SUN1: variants seen among roughly 807,000 people sequenced by gnomAD.
SUN1 encodes Sad1 and UNC84 domain containing 1.
In SUN1, 61 loss-of-function variants were observed where a neutral mutation model predicts 103.2. The observed-to-expected ratio is 0.59, with a 90% CI of 0.48 to 0.73. The LOEUF is 0.73. Among genes scored for constraint, SUN1 ranks in the 30% least tolerant of loss-of-function variants. The probability of loss-of-function intolerance (pLI) is 0.00; values close to 1 mark genes in which losing one functional copy is unlikely to be tolerated. For missense variants in SUN1, 1,052 were observed against 1,034.6 expected (o/e 1.02, Z -0.23); for synonymous variants, 490 against 425.7 (o/e 1.15, Z -1.86).
At chr7:830,847 A>C (rs1276944591), upstream of SUN1, 2 of 693,064 alleles carry the variant, frequency 2.9e-6, no homozygotes, top group African/African-American at 3.9e-5. Context: ...CGCTGAGCCC[A>C]GCTTTGGGTT....
At chr7:821,281 G>T (rs767533668) in intron 1 of SUN1, among the ~76,000 whole-genome samples, 39 of 144,616 alleles carry the variant, frequency 2.7e-4, no homozygotes, top group Non-Finnish European at 5.1e-4. Flanking sequence ...GTGATTCTCC[G>T]GCCTTAGCCT....
rs1811854571 is a variant in SUN1, at chr7:843,191, T to C, written c.452-15T>C. ...AACAGCAAAAATGTGTGTGTGTGTG[T>C]GTTTTTTTTTTTAGGTCTTGATGAT... On this transcript the variant is annotated splice_polypyrimidine_tract_variant and intron_variant, in intron 3 of 18. Coordinates refer to ENST00000401592, the MANE Select transcript of SUN1 (RefSeq NM_001130965.3). 2 of 1,443,922 alleles carry C rather than the reference T, an allele frequency of 1.4e-6. No homozygotes were observed. The highest frequency in any genetic ancestry group is 1.3e-5 in the South Asian group (1 of 78,698). The allele number at this position is 1,443,922 out of a possible 1,614,324, so 89.4% of individuals were successfully genotyped here. A position where few individuals can be genotyped will look rare whatever the true frequency, so the allele number is the denominator to read the frequency against.
chr7:839,087 A>C, intron 2 of SUN1, 101 bp downstream of exon 2: 18 of 1,268,776 alleles, frequency 1.4e-5, no homozygotes, highest in Non-Finnish European at 1.9e-5. Context: ...TCTCGAGCTT[A>C]AGGATATGTG....
chr7:855,009 A>G lies in SUN1; in HGVS notation c.1350+3A>G, dbSNP rs1825794663. The G allele has an allele frequency of 6.2e-7, 1 of 1,608,754 alleles. No individual in the cohort carries two copies. The highest frequency in any genetic ancestry group is 1.1e-5 in the South Asian group (1 of 90,636). ...GAAAACTGAGAGAAAAATCTGAGGT[A>G]TTTATTTTTGACCTTACGCTTTTTT... On this transcript the variant is annotated splice_donor_region_variant and intron_variant, in intron 11 of 18. Transcript: ENST00000401592.
intron 1 of SUN1, among the ~76,000 whole-genome samples, chr7:838,326 A>C (rs960671229): frequency 1.3e-5 from 2 of 152,226 alleles, no homozygotes; most frequent in Non-Finnish European, 1.5e-5. Flanking sequence ...AAGCCTTTAG[A>C]TAAATTCTAA....
upstream of SUN1, among the ~76,000 whole-genome samples, chr7:831,233 G>A (rs1797644349): frequency 6.6e-6 from 1 of 152,076 alleles, no homozygotes; most frequent in Non-Finnish European, 1.5e-5. Flanking sequence ...TCGGACGCTG[G>A]GCTGGGTGTC....
At position 874,511 on chromosome 7, in the gene SUN1, G is replaced by A. The variant is rs543705906; in HGVS notation, c.*1180G>A. The A allele has an allele frequency of 2.6e-4, 39 of 152,724 alleles. No individual in the cohort carries two copies. The highest frequency in any genetic ancestry group is 2.1e-3 in the Admixed American group (32 of 15,302). 9.5% of individuals were successfully genotyped at this position (152,724 alleles called of 1,614,324 possible). On this transcript the variant is annotated 3_prime_UTR_variant, in exon 19 of 19. Transcript: ENST00000401592. ...CGTAAATGTTGTGTTTTCAGAAAAAGACAAAACGATGGTGCTGACTGGTTT... is the reference window on the plus strand; with the variant it reads ...CGTAAATGTTGTGTTTTCAGAAAAAAACAAAACGATGGTGCTGACTGGTTT...
chr7:868,371 T>C, intron 16 of SUN1: 1 of 257,272 alleles, frequency 3.9e-6, no homozygotes, highest in Non-Finnish European at 7.7e-6. Context: ...GGCAGATGTG[T>C]GCGCAGCAGG....
intron 1 of SUN1, among the ~76,000 whole-genome samples, chr7:821,194 G>C (rs1785617672): frequency 3.9e-5 from 4 of 101,762 alleles, no homozygotes; most frequent in South Asian, 3.5e-4. Flanking sequence ...TTTTGAGACA[G>C]AGTCTTGCTC....
chr7:818,706 C>T (rs1190444880), intron 1 of SUN1, among the ~76,000 whole-genome samples: 1 of 152,114 alleles, frequency 6.6e-6, no homozygotes, highest in East Asian at 1.9e-4. Context: ...ACTTAGTTTC[C>T]AAAAAGGATG....
chr7:843,035 A>G, intron 3 of SUN1, 171 bp from the exon 4 acceptor site: 1 of 896,762 alleles, frequency 1.1e-6, no homozygotes, highest in South Asian at 1.5e-5. Context: ...TTCAGTCAGA[A>G]GATGGTATCT....
intron 5 of SUN1, chr7:850,209 A>AT: frequency 1.5e-6 from 1 of 647,596 alleles, no homozygotes; most frequent in Non-Finnish European, 2.6e-6. Context: ...CCTTGTAAAT[A>AT]TTTTTTGGAA....
At position 838,940 on chromosome 7, in the gene SUN1, G is replaced by A. The variant is rs374767640; in HGVS notation, c.220G>A (p.Asp74Asn). The change falls in exon 2 of 19, where the codon GAC (aspartate) becomes AAC (asparagine). Residue 74 changes from aspartate (D) to asparagine (N), a missense_variant. By Grantham distance (23) the Asp-to-Asn change is conservative. Coordinates refer to ENST00000401592, the MANE Select transcript of SUN1 (RefSeq NM_001130965.3). The stretch of plus-strand genomic sequence containing the variant: ...GGGGGATGGTGAGGCTGTGGGTGCC[G>A]ACAGCGGCACCAGCAGCGCTGTCTC... ...TLGDGEAVGA[D>N]SGTSSAVSLK... The A allele has an allele frequency of 4.0e-5, 65 of 1,609,166 alleles. 1 individual carries two copies. The highest frequency in any genetic ancestry group is 3.3e-4 in the Middle Eastern group (2 of 6,048).
intron 1 of SUN1, among the ~76,000 whole-genome samples, chr7:824,739 CTGT>C (rs775064350): frequency 1.4e-4 from 22 of 152,158 alleles, no homozygotes; most frequent in Non-Finnish European, 2.9e-4. Context: ...TTACCTTTTC[CTGT>C]TGTTTCATCA....
intron 13 of SUN1, among the ~76,000 whole-genome samples, chr7:859,171 AAAAG>A (rs1017055732): frequency 2.6e-5 from 4 of 151,934 alleles, no homozygotes; most frequent in African/African-American, 4.8e-5. Context: ...AAAAAAAAGA[AAAAG>A]AAAAAGCATG....
intron 1 of SUN1, among the ~76,000 whole-genome samples, chr7:821,497 G>T (rs547842431): frequency 6.6e-6 from 1 of 152,204 alleles, no homozygotes; most frequent in Admixed American, 6.5e-5. Context: ...TATTTAATGG[G>T]GTGTGTTGTC....
chr7:841,788 A>G, intron 2 of SUN1, 158 bp from the exon 3 acceptor site: 1 of 718,250 alleles, frequency 1.4e-6, no homozygotes, highest in Non-Finnish European at 2.2e-6. Flanking sequence ...TTCCTTTTTT[A>G]TATTAACAGT....
At chr7:847,014 T>C (rs1395942135) in intron 5 of SUN1, among the ~76,000 whole-genome samples, 1 of 152,118 alleles carries the variant, frequency 6.6e-6, no homozygotes, top group Non-Finnish European at 1.5e-5. Context: ...TAAAAAAAAT[T>C]AAAAATAAAA....
intron 14 of SUN1, among the ~76,000 whole-genome samples, chr7:860,704 C>G (rs927045061): frequency 6.6e-6 from 1 of 152,236 alleles, no homozygotes; most frequent in Non-Finnish European, 1.5e-5. Flanking sequence ...ATGAAAGTCT[C>G]TCCGTGTATT....
Sources: allele counts gnomAD v4.1 joint callset (sites outside exome capture counted in the v4.1 genomes callset), GRCh38; gene constraint gnomAD v4.1.1; transcripts MANE v1.5; gene names NCBI Gene and HGNC (gene_info 2026-07-23, HGNC 2026-07-21).